The following ATP2B2 variants were observed in gnomAD, a reference collection of about 807,000 sequenced individuals.
ATP2B2 encodes the protein ATPase plasma membrane Ca2+ transporting 2.
In ATP2B2, 15 loss-of-function variants were observed where a neutral mutation model predicts 120.0. That is an observed-to-expected ratio of 0.12 (90% CI 0.08 to 0.19). The LOEUF is 0.19. ATP2B2 is among the 10% of genes least tolerant of loss of function. The pLI, the probability that ATP2B2 is intolerant of heterozygous loss-of-function variation, is 1.00. For synonymous variants in ATP2B2, 694 were observed against 700.3 expected (o/e 0.99, Z 0.14); for missense variants, 1,045 against 1,719.8 (o/e 0.61, Z 6.94).
chr3:10,597,764 C>G (rs781591423), intron 2 of ATP2B2, among the ~76,000 whole-genome samples: 16 of 152,322 alleles, frequency 1.1e-4, no homozygotes, highest in South Asian at 6.2e-4. Flanking sequence ...ATAATAGTAT[C>G]TATTGCATAT....
At chr3:10,659,229 A>C (rs960947717) in intron 1 of ATP2B2, among the ~76,000 whole-genome samples, 1 of 152,258 alleles carries the variant, frequency 6.6e-6, no homozygotes, top group Non-Finnish European at 1.5e-5. Flanking sequence ...GACAGGATCA[A>C]ATTCACACAT....
At position 10,531,235 on chromosome 3, in the gene ATP2B2, C is replaced by G. The variant is rs2067203699; in HGVS notation, c.-320+2804G>C. Among the ~76,000 whole-genome samples, 4 of 152,268 alleles carry G rather than the reference C, an allele frequency of 2.6e-5. No individual in the cohort carries two copies. In the South Asian group the frequency reaches 8.3e-4, roughly 32 times the overall value. ...CCTCGGGCTCAGCCCAGGCCTGCCCCAAAAGTAGTGCTGCTGAATGTCCCA... is the reference window on the plus strand; with the variant it reads ...CCTCGGGCTCAGCCCAGGCCTGCCCGAAAAGTAGTGCTGCTGAATGTCCCA... On this transcript the variant is annotated intron_variant, in intron 3 of 21. Transcript: ENST00000646379.
chr3:10,366,413 C>T (rs1575029038), intron 12 of ATP2B2, among the ~76,000 whole-genome samples: 1 of 152,316 alleles, frequency 6.6e-6, no homozygotes, highest in East Asian at 1.9e-4. Flanking sequence ...CTTGGCTTAT[C>T]TATTCAGGAA....
At chr3:10,332,095 C>T in intron 22 of ATP2B2, 1 of 1,468,578 alleles carries the variant, frequency 6.8e-7, no homozygotes. Context: ...GTTCCCCCCA[C>T]AAAGCAAGCC....
chr3:10,486,527 C>T (rs1049575034), intron 1 of ATP2B2, among the ~76,000 whole-genome samples: 10 of 152,040 alleles, frequency 6.6e-5, no homozygotes, highest in Admixed American at 6.5e-4. Context: ...TTTAAACGTG[C>T]CCAGTATGTT....
intron 2 of ATP2B2, among the ~76,000 whole-genome samples, chr3:10,544,582 T>C (rs1276167647): frequency 2.0e-5 from 3 of 152,166 alleles, no homozygotes; most frequent in Admixed American, 6.5e-5. Context: ...CACTCCACAC[T>C]TTGGGAGGCT....
At chr3:10,358,416 G>A (rs1330366328) in intron 14 of ATP2B2, among the ~76,000 whole-genome samples, 2 of 152,262 alleles carry the variant, frequency 1.3e-5, no homozygotes, top group East Asian at 3.9e-4. Flanking sequence ...AGAGCTCATG[G>A]TGGCTGGCTG....
At chr3:10,372,695 C>T (rs1006392707) in intron 11 of ATP2B2, among the ~76,000 whole-genome samples, 4 of 152,158 alleles carry the variant, frequency 2.6e-5, no homozygotes, top group Admixed American at 1.3e-4. Flanking sequence ...CTATTAGCTA[C>T]CATCCAGAAC....
intron 2 of ATP2B2, among the ~76,000 whole-genome samples, chr3:10,428,513 C>A (rs920767075): frequency 6.6e-6 from 1 of 152,242 alleles, no homozygotes; most frequent in African/African-American, 2.4e-5. Flanking sequence ...GTGGCTGGAC[C>A]AACCACTTCT....
chr3:10,476,659 G>T (rs775354960), intron 1 of ATP2B2, among the ~76,000 whole-genome samples: 12 of 152,244 alleles, frequency 7.9e-5, no homozygotes, highest in Non-Finnish European at 1.5e-4. Context: ...GAGAAAGGAT[G>T]TGGATGGTGC....
chr3:10,499,338 C>T (rs574212263), intron 1 of ATP2B2, among the ~76,000 whole-genome samples: 12 of 152,286 alleles, frequency 7.9e-5, no homozygotes, highest in African/African-American at 2.2e-4. Context: ...ACGTGACAAC[C>T]GGGAAGATGG....
chr3:10,660,403 T>C (rs929032318), intron 1 of ATP2B2, among the ~76,000 whole-genome samples: 7 of 151,996 alleles, frequency 4.6e-5, no homozygotes, highest in African/African-American at 1.5e-4. Context: ...CAATAAAAAA[T>C]GATAAAGGGG....
At chr3:10,580,947 G>A (rs2068375681) in intron 2 of ATP2B2, among the ~76,000 whole-genome samples, 1 of 152,214 alleles carries the variant, frequency 6.6e-6, no homozygotes, top group South Asian at 2.1e-4. Flanking sequence ...CCTGAAATAT[G>A]TAATCTGGCC....
At chr3:10,621,324 C>T (rs942639329) in intron 1 of ATP2B2, among the ~76,000 whole-genome samples, 5 of 152,222 alleles carry the variant, frequency 3.3e-5, no homozygotes, top group Admixed American at 1.3e-4. Flanking sequence ...CCCACAGCCA[C>T]GAGGCCAACA....
chr3:10,427,362 C>T (rs991478208), intron 2 of ATP2B2, among the ~76,000 whole-genome samples: 3 of 152,182 alleles, frequency 2.0e-5, no homozygotes, highest in Non-Finnish European at 4.4e-5. Context: ...CACACGAATT[C>T]GGACTCTCGG....
At chr3:10,368,707 C>A (rs1255457778) in intron 12 of ATP2B2, among the ~76,000 whole-genome samples, 2 of 151,952 alleles carry the variant, frequency 1.3e-5, no homozygotes, top group African/African-American at 4.8e-5. Flanking sequence ...GTCCATCCAC[C>A]CATCCACCCA....
chr3:10,436,379 C>T (rs56370914), intron 2 of ATP2B2, among the ~76,000 whole-genome samples: 40,189 of 151,960 alleles, frequency 0.26, 6,131 homozygotes, highest in Non-Finnish European at 0.35. Flanking sequence ...CTGCGCCTCT[C>T]GTCCCAACTC....
chr3:10,595,512 C>T (rs1007649932), intron 2 of ATP2B2, among the ~76,000 whole-genome samples: 6 of 152,282 alleles, frequency 3.9e-5, no homozygotes, highest in East Asian at 1.9e-4. Flanking sequence ...ATTACCCTCA[C>T]GGTGCAGATA....
rs56021417 is a variant in ATP2B2, at chr3:10,430,206, G to T, written c.199+19139C>A. 7.7e-3 allele frequency among the ~76,000 whole-genome samples: 1,168 copies of T among 152,318 alleles called. 18 individuals are homozygous for T. The highest frequency in any genetic ancestry group is 0.026 in the African/African-American group (1,082 of 41,556). ...CACCTGCTAACACAATATCTATTCT[G>T]CAGCCCATGAGTCAAGGAGTCATTT... On this transcript the variant is annotated intron_variant, in intron 2 of 22. Coordinates refer to ENST00000360273, the MANE Select transcript of ATP2B2 (RefSeq NM_001001331.4).
Sources: allele counts gnomAD v4.1 joint callset (sites outside exome capture counted in the v4.1 genomes callset), GRCh38; gene constraint gnomAD v4.1.1; transcripts MANE v1.5; gene names NCBI Gene and HGNC (gene_info 2026-07-23, HGNC 2026-07-21).